The following TNRC6A variants were observed in gnomAD, a reference collection of about 807,000 sequenced individuals.
The protein encoded by TNRC6A is trinucleotide repeat containing adaptor 6A, also known as trinucleotide repeat-containing gene 6A protein.
Under a neutral mutation model 221.2 loss-of-function variants are expected in TNRC6A, and 44 were observed. The observed-to-expected ratio is 0.20, with a 90% CI of 0.16 to 0.26. The LOEUF is 0.26. Ranked by LOEUF, TNRC6A falls within the 10% of genes least tolerant of loss-of-function variation. The pLI, the probability that TNRC6A is intolerant of heterozygous loss-of-function variation, is 1.00. For missense variants in TNRC6A, 2,199 were observed against 2,404.4 expected, an observed-to-expected ratio of 0.91 and a Z score of 1.79; for synonymous variants, 847 against 838.5, an observed-to-expected ratio of 1.01 and a Z score of -0.18.
chr16:24,806,860 C>T, intron 17 of TNRC6A, 76 bp downstream of exon 17: 1 of 1,344,572 alleles, frequency 7.4e-7, no homozygotes, highest in Non-Finnish European at 1.1e-6. Context: ...CGTACCCTTA[C>T]AGCTCTGTTC....
At chr16:24,712,907 CTGTGTGTGTGTGTGTGTGTGTGTGTGTG>C (rs61198955) in intron 2 of TNRC6A, among the ~76,000 whole-genome samples, 1 of 126,774 alleles carries the variant, frequency 7.9e-6, no homozygotes, top group South Asian at 2.9e-4. Context: ...TTATGTGCCA[CTGTGTGTGTGTGTGTGTGTGTGTGTGTG>C]TGTGTGTGTG....
rs752573710 is a variant in TNRC6A, at chr16:24,789,500, C to T, written c.858C>T (p.Ser286=). 6.2e-7 allele frequency: 1 copy of T among 1,614,160 alleles called. No individual in the cohort carries two copies. Among genetic ancestry groups the T allele is most frequent in the Non-Finnish European group, 8.5e-7 (1 of 1,180,038 alleles). ...TGGEKDGLRN[S]TGLGSQNKFV... ...GTGAAAAAGATGGCCTTCGGAATAG[C>T]ACTGGACTTGGTTCCCAAAACAAGT... The change falls in exon 6 of 25, where the codon AGC becomes AGT. Residue 286 remains serine, a synonymous_variant. Coordinates refer to ENST00000395799, the MANE Select transcript of TNRC6A (RefSeq NM_014494.4).
chr16:24,695,185 A>C (rs2055833181), intron 2 of TNRC6A, among the ~76,000 whole-genome samples: 1 of 152,158 alleles, frequency 6.6e-6, no homozygotes, highest in Non-Finnish European at 1.5e-5. Flanking sequence ...TAGCTGAAGA[A>C]AACGAAACTC....
chr16:24,808,467 C>T (rs987575296), intron 17 of TNRC6A, among the ~76,000 whole-genome samples: 2 of 152,178 alleles, frequency 1.3e-5, no homozygotes, highest in Non-Finnish European at 1.5e-5. Context: ...CGTGCTGCAC[C>T]AGCAGAGTTG....
At position 24,806,190 on chromosome 16, in the gene TNRC6A, G is replaced by A. The variant is rs767742201; in HGVS notation, c.4252-16G>A. ...ATGGTGTGATAGTAACAACCTTTTC[G>A]CTATCTTTCCTCTAGCGATTGTTAG... is the stretch of plus-strand genomic sequence containing the variant. On this transcript the variant is annotated splice_polypyrimidine_tract_variant and intron_variant, in intron 15 of 24. Coordinates refer to ENST00000395799, the MANE Select transcript of TNRC6A (RefSeq NM_014494.4). The A allele has an allele frequency of 6.8e-6, 11 of 1,613,172 alleles. No individual in the cohort carries two copies. In the East Asian group the frequency reaches 1.3e-4, roughly 20 times the overall value.
At chr16:24,776,654 G>C (rs1266289829) in intron 4 of TNRC6A, 29 of 985,310 alleles carry the variant, frequency 2.9e-5, no homozygotes, top group Non-Finnish European at 3.5e-5. Flanking sequence ...TCTTTGACCA[G>C]AGAGTAATGT....
At chr16:24,612,986 C>CCA (rs1900133353) in intron 1 of TNRC6A, among the ~76,000 whole-genome samples, 2 of 151,644 alleles carry the variant, frequency 1.3e-5, no homozygotes, top group African/African-American at 4.8e-5. Context: ...GTAGTTTACA[C>CCA]CTGTAGTCCC....
Position 24,823,127 on chromosome 16 carries a change from G to T in TNRC6A, c.5513+114G>T, listed in dbSNP as rs1436120490. On this transcript the variant is annotated intron_variant, in intron 24 of 24. Transcript: ENST00000395799. The surrounding 1 kb of genome is among the most constrained non-coding windows in gnomAD (Gnocchi z 4.3). Reference sequence around the variant, plus strand: ...GCGTGGGTGGCTCCTGCTGGCTGCAGTAGTGCCCTGATTCCAAGGTCGGCA... The same window carrying T: ...GCGTGGGTGGCTCCTGCTGGCTGCATTAGTGCCCTGATTCCAAGGTCGGCA... The T allele has an allele frequency of 7.2e-7, 1 of 1,394,090 alleles. No individual in the cohort carries two copies. Among genetic ancestry groups the T allele is most frequent in the African/African-American group, 1.4e-5 (1 of 70,174 alleles). The allele number at this position is 1,394,090 out of a possible 1,614,324, so 86.4% of individuals were successfully genotyped here.
chr16:24,630,158 G>C (rs1901258757), intron 1 of TNRC6A, among the ~76,000 whole-genome samples: 1 of 151,960 alleles, frequency 6.6e-6, no homozygotes, highest in Non-Finnish European at 1.5e-5. Context: ...AATTATACCT[G>C]GGCCAATCTA....
rs1555502085 is a variant in TNRC6A at position 24,771,561 on chromosome 16, T to TATGTTATGTTATGTTATGTTTTATG, written c.164-5372_164-5371insATGTTATGTTATGTTATGTTTTATG. Among the ~76,000 whole-genome samples, 613 of 98,774 alleles carry TATGTTATGTTATGTTATGTTTTATG rather than the reference T, an allele frequency of 6.2e-3. 9 individuals are homozygous for TATGTTATGTTATGTTATGTTTTATG. Among genetic ancestry groups the TATGTTATGTTATGTTATGTTTTATG allele is most frequent in the African/African-American group, 0.011 (257 of 24,410 alleles). 64.8% of individuals were successfully genotyped at this position (98,774 alleles called of 152,430 possible). ...TATGTTATGTTATGTTATGTTATGT[T>TATGTTATGTTATGTTATGTTTTATG]TTATGTTATGTTATGTTATGTTGTT... is the stretch of plus-strand genomic sequence containing the variant. On this transcript the variant is annotated intron_variant, in intron 4 of 24. Coordinates refer to ENST00000395799, the MANE Select transcript of TNRC6A (RefSeq NM_014494.4).
At position 24,806,701 on chromosome 16, in the gene TNRC6A, T is replaced by G. The variant is rs1353659895; in HGVS notation, c.4457T>G (p.Phe1486Cys). The G allele has an allele frequency of 1.7e-5, 28 of 1,614,056 alleles. No homozygotes were observed. The highest frequency in any genetic ancestry group is 2.4e-5 in the Non-Finnish European group (28 of 1,180,036). Residue 1486 changes from phenylalanine to cysteine, a missense_variant, in exon 17 of 25, where the codon TTC (phenylalanine) becomes TGC (cysteine). Transcript: ENST00000395799. ...CTCCATCAGCCAGCCATGAAGTCTT[T>G]CCTTGACAATGTCATGCCCCACACT... ...QPLHQPAMKS[F>C]LDNVMPHTTP...
At chr16:24,680,701 G>A (rs2142056297) in intron 2 of TNRC6A, among the ~76,000 whole-genome samples, 1 of 144,572 alleles carries the variant, frequency 6.9e-6, no homozygotes, top group East Asian at 2.0e-4. Flanking sequence ...GGGCAACAGA[G>A]CAAGACTCCA....
chr16:24,775,760 C>T (rs2057705097), intron 4 of TNRC6A, among the ~76,000 whole-genome samples: 2 of 152,152 alleles, frequency 1.3e-5, no homozygotes, highest in African/African-American at 4.8e-5. Flanking sequence ...TGTTTTAATT[C>T]CAGGGTGGGA....
At chr16:24,648,353 C>T (rs1450458352) in intron 2 of TNRC6A, among the ~76,000 whole-genome samples, 1 of 135,842 alleles carries the variant, frequency 7.4e-6, no homozygotes, top group African/African-American at 2.8e-5. Context: ...CTCACTGCAA[C>T]CTCCAACCCC....
chr16:24,717,770 CTTTTTTTTT>C (rs71383705), intron 2 of TNRC6A, among the ~76,000 whole-genome samples: 5 of 107,366 alleles, frequency 4.7e-5, no homozygotes, highest in Non-Finnish European at 9.3e-5. Context: ...TTTTTTTTTT[CTTTTTTTTT>C]TTTTTTTTTT....
intron 1 of TNRC6A, among the ~76,000 whole-genome samples, chr16:24,628,247 C>T (rs961344859): frequency 1.3e-5 from 2 of 151,294 alleles, no homozygotes; most frequent in African/African-American, 4.9e-5. Context: ...GGTGAAACCC[C>T]GTCTCTACTA....
chr16:24,683,308 C>T (rs2142072286), intron 2 of TNRC6A, among the ~76,000 whole-genome samples: 1 of 152,240 alleles, frequency 6.6e-6, no homozygotes, highest in South Asian at 2.1e-4. Context: ...GCAATCCTCC[C>T]ACCTCAGCCT....
chr16:24,659,298 A>G (rs2054979929), intron 2 of TNRC6A, among the ~76,000 whole-genome samples: 1 of 152,056 alleles, frequency 6.6e-6, no homozygotes, highest in South Asian at 2.1e-4. Context: ...TAGTCATAGG[A>G]CAGAGGTTTT....
intron 2 of TNRC6A, among the ~76,000 whole-genome samples, chr16:24,644,290 C>T (rs975139852): frequency 2.7e-5 from 4 of 149,574 alleles, no homozygotes; most frequent in Non-Finnish European, 4.5e-5. Flanking sequence ...AGGGTTTCAC[C>T]GTGTTAGCTT....
Sources: gnomAD v4.1 joint callset for allele counts (sites outside exome capture counted in the v4.1 genomes callset) on GRCh38, gnomAD v4.1.1 for gene constraint, Gnocchi (gnomAD v3.1) non-coding constraint, MANE v1.5 for transcripts, NCBI Gene and HGNC (gene_info 2026-07-23, HGNC 2026-07-21) for gene names.